The following GLIS3 variants were observed in gnomAD, a reference collection of about 807,000 sequenced individuals.
GLIS3 encodes the protein zinc finger protein GLIS3.
A neutral mutation model predicts 78.6 loss-of-function variants in GLIS3; 53 were observed. That is an observed-to-expected ratio of 0.67 (90% CI 0.54 to 0.85). The LOEUF (loss-of-function observed/expected upper bound fraction) is 0.85, where lower values mean the gene tolerates loss of function less well. GLIS3 is among the 40% of genes least tolerant of loss of function. The pLI, the probability that GLIS3 is intolerant of heterozygous loss-of-function variation, is 0.00. For synonymous variants in GLIS3, 684 were observed against 509.9 expected, an observed-to-expected ratio of 1.34 and a Z score of -4.60; for missense variants, 1,703 against 1,231.1, an observed-to-expected ratio of 1.38 and a Z score of -5.74.
the GLIS3 span, among the ~76,000 whole-genome samples, chr9:4,399,868 G>C: frequency 4.6e-5 from 7 of 152,196 alleles, no homozygotes; most frequent in African/African-American, 1.4e-4. Flanking sequence ...TGAAGGAAAA[G>C]ATGGAGGGAA....
chr9:4,463,966 A>T, the GLIS3 span, among the ~76,000 whole-genome samples: 1 of 152,204 alleles, frequency 6.6e-6, no homozygotes, highest in South Asian at 2.1e-4. Flanking sequence ...TCGAAGAAAA[A>T]AAATTTGGAA....
chr9:4,244,781 G>A (rs978713118), intron 2 of GLIS3, among the ~76,000 whole-genome samples: 27 of 152,154 alleles, frequency 1.8e-4, no homozygotes, highest in Non-Finnish European at 3.5e-4. Context: ...CAACCATGCT[G>A]GCCAGGCTGG....
intron 2 of GLIS3, among the ~76,000 whole-genome samples, chr9:4,282,944 T>TTTTCTG (rs1379899079): frequency 6.6e-6 from 1 of 152,076 alleles, no homozygotes; most frequent in East Asian, 1.9e-4. Flanking sequence ...CTTACCACTG[T>TTTTCTG]TTTCTGTACC....
chr9:4,355,830 G>T, the GLIS3 span, among the ~76,000 whole-genome samples: 1 of 152,142 alleles, frequency 6.6e-6, no homozygotes, highest in Non-Finnish European at 1.5e-5. Flanking sequence ...CAAAACACTG[G>T]ATCAGGAATC....
chr9:4,388,989 G>T, the GLIS3 span, among the ~76,000 whole-genome samples: 2 of 152,114 alleles, frequency 1.3e-5, no homozygotes, highest in East Asian at 3.9e-4. Flanking sequence ...ACCAACAATT[G>T]CTGATTTTAA....
intron 2 of GLIS3, among the ~76,000 whole-genome samples, chr9:4,233,783 C>T (rs1210839980): frequency 2.0e-5 from 3 of 152,220 alleles, no homozygotes; most frequent in African/African-American, 7.2e-5. Context: ...TAGATGGCAT[C>T]TTCTTCCAAT....
At chr9:4,096,544 G>C (rs1829962969) in intron 4 of GLIS3, among the ~76,000 whole-genome samples, 1 of 152,208 alleles carries the variant, frequency 6.6e-6, no homozygotes. Flanking sequence ...CTTAAAGTTA[G>C]TGGCTGAAGG....
chr9:3,942,161 G>T (rs970263104), intron 4 of GLIS3, among the ~76,000 whole-genome samples: 6 of 152,152 alleles, frequency 3.9e-5, no homozygotes. Flanking sequence ...TCCTGATCGG[G>T]TTTCCATACC....
chr9:4,175,756 A>C (rs1178729673), intron 2 of GLIS3, among the ~76,000 whole-genome samples: 3 of 152,238 alleles, frequency 2.0e-5, no homozygotes, highest in Admixed American at 6.5e-5. Context: ...GAAGCAATGT[A>C]ACAAACAGGG....
rs1026326859 is a variant in GLIS3, at chr9:4,118,613, A to T, written c.865T>A (p.Ser289Thr). 1 of 1,614,212 alleles carries T rather than the reference A, an allele frequency of 6.2e-7. No homozygotes were observed. Among genetic ancestry groups the T allele is most frequent in the African/African-American group, 1.3e-5 (1 of 75,070 alleles). ...CGGGCCGAGTGGGACCTGGTGGATGAGTGCCGAGGACTAGGGTAAGGAGAG... is the reference window on the plus strand; with the variant it reads ...CGGGCCGAGTGGGACCTGGTGGATGTGTGCCGAGGACTAGGGTAAGGAGAG... ...SHSPYPSPRH[S>T]STRSHSARSK... Residue 289 changes from serine (S) to threonine (T), a missense_variant, in exon 4 of 11, where the codon TCA becomes ACA. By Grantham distance (58) the Ser-to-Thr change is moderately conservative (BLOSUM62 1). Transcript: ENST00000381971. The surrounding 1 kb of genome is among the most constrained non-coding windows in gnomAD (Gnocchi z 4.7).
chr9:4,309,910 A>G (rs950846147), intron 3 of GLIS3, among the ~76,000 whole-genome samples: 6 of 152,172 alleles, frequency 3.9e-5, no homozygotes, highest in African/African-American at 1.4e-4. Flanking sequence ...CGGCCAAAAG[A>G]TTTCTCTCAA....
the GLIS3 span, among the ~76,000 whole-genome samples, chr9:4,395,212 G>C: frequency 6.6e-6 from 1 of 152,122 alleles, no homozygotes; most frequent in South Asian, 2.1e-4. Context: ...TTAAACTCCA[G>C]TCACATCTTC....
rs550303501 is a variant in GLIS3 at position 3,937,041 on chromosome 9, G to A, written c.1859C>T (p.Thr620Met). 1.2e-5 allele frequency: 19 copies of A among 1,612,850 alleles called. No individual in the cohort carries two copies. The East Asian group carries it at 1.6e-4, about 13-fold the overall frequency. The change falls in exon 5 of 11, where the codon ACG (threonine) becomes ATG (methionine). Residue 620 changes from threonine (T) to methionine (M), a missense_variant. By Grantham distance (81) the Thr-to-Met change is moderately conservative. Transcript: ENST00000381971. ...TGCCATTCTTACGGTGTCCAGATGC[G>A]TCCGCTGGTGTTTGGCGCGGTCACT... Reference protein sequence around the residue: ...NSSDRAKHQRTHLDTKPYACQ... With the variant: ...NSSDRAKHQRMHLDTKPYACQ...
chr9:4,199,967 C>G (rs1442943764), intron 2 of GLIS3, among the ~76,000 whole-genome samples: 1 of 152,070 alleles, frequency 6.6e-6, no homozygotes, highest in Non-Finnish European at 1.5e-5. Flanking sequence ...TACTCTTGGA[C>G]CACAGTGGAA....
chr9:4,427,559 G>C, the GLIS3 span, among the ~76,000 whole-genome samples: 1 of 152,082 alleles, frequency 6.6e-6, no homozygotes, highest in African/African-American at 2.4e-5. Flanking sequence ...GCATACTTAC[G>C]TCAAATGGCA....
At chr9:3,934,543 G>A (rs544317451) in intron 5 of GLIS3, among the ~76,000 whole-genome samples, 2 of 152,104 alleles carry the variant, frequency 1.3e-5, no homozygotes, top group African/African-American at 4.8e-5. Context: ...CCGGGTAGCT[G>A]GAATTACAGG....
chr9:3,832,091 C>A (rs1818077538), intron 9 of GLIS3, among the ~76,000 whole-genome samples: 1 of 150,922 alleles, frequency 6.6e-6, no homozygotes, highest in Admixed American at 6.6e-5. Context: ...CTTCTTGGTG[C>A]CTCAGTTTTC....
At chr9:4,298,269 A>G in intron 1 of GLIS3, 1 of 381,460 alleles carries the variant, frequency 2.6e-6, no homozygotes, top group Non-Finnish European at 5.2e-6. Context: ...CCGCCGAGCC[A>G]GTGTCCTCAC....
intron 2 of GLIS3, among the ~76,000 whole-genome samples, chr9:4,327,191 G>A (rs763323919): frequency 1.3e-5 from 2 of 152,276 alleles, no homozygotes; most frequent in Non-Finnish European, 2.9e-5. Flanking sequence ...AGTGTCCCAG[G>A]CAGAGTGAAC....
Sources: gnomAD v4.1 joint callset for allele counts (sites outside exome capture counted in the v4.1 genomes callset) on GRCh38, gnomAD v4.1.1 for gene constraint, Gnocchi (gnomAD v3.1) non-coding constraint, MANE v1.5 for transcripts, NCBI Gene and HGNC (gene_info 2026-07-23, HGNC 2026-07-21) for gene names.